LMBR1: variants seen among roughly 807,000 people sequenced by gnomAD.
LMBR1 encodes limb development membrane protein 1, also known as limb region 1 protein homolog.
LMBR1 carries 52 observed loss-of-function variants against 73.9 expected under a neutral mutation model. That is an observed-to-expected ratio of 0.70 (90% CI 0.56 to 0.89). The LOEUF is 0.89. Ranked by LOEUF, LMBR1 falls within the 40% of genes least tolerant of loss-of-function variation. LMBR1 has a pLI of 0.00. For missense variants in LMBR1, 539 were observed against 579.8 expected (o/e 0.93, Z 0.72); for synonymous variants, 215 against 209.4 (o/e 1.03, Z -0.23).
chr7:156,756,277 T>C, intron 9 of LMBR1, 116 bp downstream of exon 9: 1 of 612,342 alleles, frequency 1.6e-6, no homozygotes, highest in Non-Finnish European at 2.9e-6. Flanking sequence ...TAAAGTGTTC[T>C]CCTCTTGTAG....
intron 5 of LMBR1, among the ~76,000 whole-genome samples, chr7:156,771,743 G>A (rs567954439): frequency 1.3e-5 from 2 of 152,262 alleles, no homozygotes; most frequent in Admixed American, 1.3e-4. Flanking sequence ...TATGAGGCCA[G>A]CATCATTCTG....
chr7:156,750,971 ATGGTGG>A (rs564250645), intron 9 of LMBR1, among the ~76,000 whole-genome samples: 92 of 152,162 alleles, frequency 6.0e-4, no homozygotes, highest in African/African-American at 2.1e-3. Flanking sequence ...TTAGCCGGGT[ATGGTGG>A]TGGGCGCCTG....
At chr7:156,864,777 C>T (rs1472602110) in intron 1 of LMBR1, among the ~76,000 whole-genome samples, 1 of 152,012 alleles carries the variant, frequency 6.6e-6, no homozygotes, top group African/African-American at 2.4e-5. Flanking sequence ...ACGGGTGGAT[C>T]ACGAGGTCAA....
At position 156,817,755 on chromosome 7, in the gene LMBR1, TC is replaced by T. The variant is rs1423213194; in HGVS notation, c.319+8849del. 5.3e-5 allele frequency among the ~76,000 whole-genome samples: 8 copies of T among 152,214 alleles called. No individual in the cohort carries two copies. The East Asian group carries it at 1.5e-3, about 29-fold the overall frequency. On this transcript the variant is annotated intron_variant, in intron 4 of 16. Coordinates refer to ENST00000353442, the MANE Select transcript of LMBR1 (RefSeq NM_022458.4). ...CATAAAATCCTACAAAAAGTTAAACTCTTTGTATTTACCCTTCCAGGTATTT... is the reference window on the plus strand; with the variant it reads ...CATAAAATCCTACAAAAAGTTAAACTTTTGTATTTACCCTTCCAGGTATTT...
At chr7:156,722,348 AG>A (rs1442101184) in intron 15 of LMBR1, among the ~76,000 whole-genome samples, 1 of 152,156 alleles carries the variant, frequency 6.6e-6, no homozygotes, top group African/African-American at 2.4e-5. Flanking sequence ...GTTATACACT[AG>A]GATAATATTC....
chr7:156,695,182 G>A (rs980380049), intron 15 of LMBR1, among the ~76,000 whole-genome samples: 1 of 152,178 alleles, frequency 6.6e-6, no homozygotes, highest in Non-Finnish European at 1.5e-5. Flanking sequence ...AGTGGTGAAT[G>A]CCTGTAGTCC....
chr7:156,761,512 G>A (rs1822984031), intron 8 of LMBR1, among the ~76,000 whole-genome samples: 2 of 152,024 alleles, frequency 1.3e-5, no homozygotes, highest in South Asian at 2.1e-4. Context: ...CATAATAGAG[G>A]TACTTTTTGA....
At chr7:156,701,186 T>C (rs564543795) in intron 15 of LMBR1, among the ~76,000 whole-genome samples, 79 of 152,316 alleles carry the variant, frequency 5.2e-4, no homozygotes, top group African/African-American at 1.9e-3. Context: ...ACATTAGTTA[T>C]CAGGGAAATG....
At chr7:156,760,581 A>T (rs984647981) in intron 8 of LMBR1, among the ~76,000 whole-genome samples, 2 of 152,150 alleles carry the variant, frequency 1.3e-5, no homozygotes, top group Non-Finnish European at 2.9e-5. Flanking sequence ...AAACAACAAC[A>T]AATGTAGGAA....
At chr7:156,871,817 A>G (rs1799335364) in intron 1 of LMBR1, among the ~76,000 whole-genome samples, 1 of 152,174 alleles carries the variant, frequency 6.6e-6, no homozygotes, top group Non-Finnish European at 1.5e-5. Context: ...CATATATGAA[A>G]AGCCCACAGC....
chr7:156,767,765 G>A (rs1006060594), intron 5 of LMBR1, among the ~76,000 whole-genome samples: 4 of 151,602 alleles, frequency 2.6e-5, no homozygotes, highest in African/African-American at 9.7e-5. Flanking sequence ...ACGAAAACAG[G>A]AAATGATAAA....
chr7:156,788,163 A>G (rs894864154), intron 5 of LMBR1, among the ~76,000 whole-genome samples: 2 of 152,192 alleles, frequency 1.3e-5, no homozygotes, highest in African/African-American at 2.4e-5. Flanking sequence ...GGCCGGGTAC[A>G]GTAGCTCAAG....
intron 1 of LMBR1, among the ~76,000 whole-genome samples, chr7:156,887,493 A>C (rs1239044045): frequency 3.3e-5 from 5 of 151,216 alleles, no homozygotes; most frequent in Non-Finnish European, 7.4e-5. Context: ...AAAGTTAAAC[A>C]CTATATTGTA....
chr7:156,701,821 C>G (rs1479075013), intron 15 of LMBR1, among the ~76,000 whole-genome samples: 1 of 152,128 alleles, frequency 6.6e-6, no homozygotes, highest in Non-Finnish European at 1.5e-5. Flanking sequence ...TTGTTCCCCT[C>G]CCTGTGTCCA....
chr7:156,772,048 G>A (rs1386928639), intron 5 of LMBR1, among the ~76,000 whole-genome samples: 1 of 152,140 alleles, frequency 6.6e-6, no homozygotes, highest in Admixed American at 6.5e-5. Context: ...GGCTGAGGCA[G>A]GTGGATCATG....
intron 4 of LMBR1, among the ~76,000 whole-genome samples, chr7:156,805,912 T>C (rs769785642): frequency 3.9e-5 from 6 of 152,284 alleles, no homozygotes; most frequent in Admixed American, 6.5e-5. Context: ...GTTTGCTTTC[T>C]CTGTCTCTGC....
intron 16 of LMBR1, among the ~76,000 whole-genome samples, chr7:156,686,156 C>CT (rs984125497): frequency 8.5e-5 from 13 of 152,112 alleles, no homozygotes; most frequent in Non-Finnish European, 1.5e-5. Context: ...TGAAGGCACC[C>CT]TTTTAGGATC....
At chr7:156,769,750 T>C (rs1394497620) in intron 5 of LMBR1, among the ~76,000 whole-genome samples, 1 of 152,208 alleles carries the variant, frequency 6.6e-6, no homozygotes, top group Non-Finnish European at 1.5e-5. Context: ...ATGTTGCATA[T>C]GCGACAGATC....
chr7:156,760,158 G>C (rs1422871262), intron 8 of LMBR1, among the ~76,000 whole-genome samples: 1 of 152,162 alleles, frequency 6.6e-6, no homozygotes, highest in African/African-American at 2.4e-5. Flanking sequence ...GGGGAGAAGA[G>C]AACCAGGAAG....
Sources: allele counts gnomAD v4.1 joint callset (sites outside exome capture counted in the v4.1 genomes callset), GRCh38; gene constraint gnomAD v4.1.1; transcripts MANE v1.5; gene names NCBI Gene and HGNC (gene_info 2026-07-23, HGNC 2026-07-21).